SLC36A1: variants seen among roughly 807,000 people sequenced by gnomAD.
SLC36A1 encodes proton-coupled amino acid transporter 1.
In SLC36A1, 30 loss-of-function variants were observed where a neutral mutation model predicts 47.5. That is an observed-to-expected ratio of 0.63 (90% CI 0.47 to 0.86). SLC36A1 has a LOEUF of 0.86. SLC36A1 is among the 40% of genes least tolerant of loss of function. The probability of loss-of-function intolerance (pLI) is 0.00; values close to 1 mark genes in which losing one functional copy is unlikely to be tolerated. For missense variants in SLC36A1, 517 were observed against 606.0 expected, an observed-to-expected ratio of 0.85 and a Z score of 1.54; for synonymous variants, 255 against 249.7, an observed-to-expected ratio of 1.02 and a Z score of -0.20.
the SLC36A1 span, chr5:151,517,644 A>G: frequency 6.2e-7 from 1 of 1,614,050 alleles, no homozygotes; most frequent in Non-Finnish European, 8.5e-7. Context: ...ACGCTGTTTC[A>G]TTGGTGAATA....
At chr5:151,534,351 C>G in the SLC36A1 span, 2 of 1,422,114 alleles carry the variant, frequency 1.4e-6, no homozygotes, top group Non-Finnish European at 9.6e-7. Flanking sequence ...GGACCAAACC[C>G]TTGCCCAAGG....
At chr5:151,528,434 T>C in the SLC36A1 span, among the ~76,000 whole-genome samples, 3 of 152,206 alleles carry the variant, frequency 2.0e-5, no homozygotes, top group Admixed American at 2.0e-4. Context: ...ATTTTATGGG[T>C]AATTCTAATT....
chr5:151,553,487 G>A, the SLC36A1 span: 1 of 1,008,418 alleles, frequency 9.9e-7, no homozygotes, highest in East Asian at 2.6e-5. Context: ...TTCTGACCAA[G>A]CAGGCCTCTC....
downstream of SLC36A1, among the ~76,000 whole-genome samples, chr5:151,494,116 A>G (rs1236434782): frequency 6.6e-6 from 1 of 152,076 alleles, no homozygotes; most frequent in Non-Finnish European, 1.5e-5. Flanking sequence ...AGCCCATTGC[A>G]TTACTACTGG....
upstream of SLC36A1, among the ~76,000 whole-genome samples, chr5:151,433,266 ATTTTTTTTTTTTTTTTTTTTTT>A (rs869250950): frequency 1.1e-4 from 1 of 9,408 alleles, no homozygotes; most frequent in South Asian, 0.01. Flanking sequence ...ATATATATAT[ATTTTTTTTTTTTTTTTTTTTTT>A]TTTTTTTTTT....
At chr5:151,553,078 G>T in the SLC36A1 span, 2 of 1,260,478 alleles carry the variant, frequency 1.6e-6, no homozygotes, top group Non-Finnish European at 2.3e-6. Context: ...CGAGGAGCCC[G>T]ACCTTGAGAA....
the SLC36A1 span, among the ~76,000 whole-genome samples, chr5:151,358,959 C>T: frequency 5.9e-5 from 7 of 118,894 alleles, no homozygotes; most frequent in African/African-American, 1.4e-4. Flanking sequence ...CCGGCCTGGG[C>T]GACAGAGCGA....
At chr5:151,349,640 G>A in the SLC36A1 span, among the ~76,000 whole-genome samples, 408 of 152,154 alleles carry the variant, frequency 2.7e-3, no homozygotes, top group African/African-American at 9.3e-3. Context: ...TCTTGGGTGG[G>A]GCAGGCAACT....
At chr5:151,481,305 G>A (rs1045446885) in intron 10 of SLC36A1, among the ~76,000 whole-genome samples, 1 of 152,094 alleles carries the variant, frequency 6.6e-6, no homozygotes, top group Non-Finnish European at 1.5e-5. Flanking sequence ...TGTTCAAAAA[G>A]GCAGCCCCCT....
At chr5:151,381,316 C>T in the SLC36A1 span, 38,603 of 199,552 alleles carry the variant, frequency 0.19, 4,149 homozygotes, top group East Asian at 0.41. Context: ...TTGTAAAGTA[C>T]TGAAACCGCC....
At chr5:151,525,786 C>G in the SLC36A1 span, 1 of 1,614,188 alleles carries the variant, frequency 6.2e-7, no homozygotes, top group East Asian at 2.2e-5. Context: ...GAAGCTGATA[C>G]CATTCCTGAG....
At chr5:151,551,803 T>C in the SLC36A1 span, among the ~76,000 whole-genome samples, 1 of 152,216 alleles carries the variant, frequency 6.6e-6, no homozygotes, top group African/African-American at 2.4e-5. Context: ...TCAAGTTATT[T>C]TTATTTGAAT....
intron 2 of SLC36A1, among the ~76,000 whole-genome samples, chr5:151,462,265 T>G (rs1268464914): frequency 6.6e-6 from 1 of 152,174 alleles, no homozygotes; most frequent in East Asian, 1.9e-4. Context: ...ACAATGAAGA[T>G]GTTAACATTT....
At position 151,451,271 on chromosome 5, in the gene SLC36A1, T is replaced by C. The variant is rs941599541; in HGVS notation, c.-6+3458T>C. Among the ~76,000 whole-genome samples the C allele has an allele frequency of 3.3e-5, 5 of 152,316 alleles. No homozygotes were observed. In the East Asian group the frequency reaches 9.6e-4, roughly 29 times the overall value. ...TCTCACTATTTTGTCCACGCTGGTC[T>C]TGAACTCCTGAGCTCAAGCAGTCCT... On this transcript the variant is annotated intron_variant, in intron 1 of 10. Transcript: ENST00000243389.
At chr5:151,468,251 C>CAAAAAAAAAAAAAAAAAAAAAA (rs1214176868) in intron 7 of SLC36A1, among the ~76,000 whole-genome samples, 1 of 31,286 alleles carries the variant, frequency 3.2e-5, no homozygotes, top group Non-Finnish European at 5.4e-5. Flanking sequence ...GACTCTGTCT[C>CAAAAAAAAAAAAAAAAAAAAAA]AAAAAAAAAA....
At chr5:151,526,775 TTTTATTCACTCCC>T in the SLC36A1 span, among the ~76,000 whole-genome samples, 1 of 152,158 alleles carries the variant, frequency 6.6e-6, no homozygotes, top group Admixed American at 6.5e-5. Flanking sequence ...AACTCTGCCT[TTTTATTCACTCCC>T]TCACCTCCCT....
intron 10 of SLC36A1, among the ~76,000 whole-genome samples, chr5:151,481,917 G>A (rs553404045): frequency 6.6e-6 from 1 of 152,346 alleles, no homozygotes; most frequent in South Asian, 2.1e-4. Flanking sequence ...GGAGTCTGGA[G>A]TTGTAGGATC....
At chr5:151,554,422 C>G in the SLC36A1 span, 2 of 1,614,184 alleles carry the variant, frequency 1.2e-6, no homozygotes, top group South Asian at 1.1e-5. Context: ...CACCTGTGAC[C>G]AGGTCGATAC....
chr5:151,469,649 A>G (rs1757049010), intron 7 of SLC36A1, among the ~76,000 whole-genome samples: 1 of 152,078 alleles, frequency 6.6e-6, no homozygotes, highest in Non-Finnish European at 1.5e-5. Flanking sequence ...TTGTTATGTT[A>G]CCAAGTTGTT....
Sources: allele counts gnomAD v4.1 joint callset (sites outside exome capture counted in the v4.1 genomes callset), GRCh38; gene constraint gnomAD v4.1.1; transcripts MANE v1.5; gene names NCBI Gene and HGNC (gene_info 2026-07-23, HGNC 2026-07-21).